Variants in ITGA9 observed in about 807,000 individuals in gnomAD.
ITGA9 encodes integrin subunit alpha 9.
A neutral mutation model predicts 127.8 loss-of-function variants in ITGA9; 56 were observed. The observed-to-expected ratio is 0.44, with a 90% CI of 0.35 to 0.55. ITGA9 has a LOEUF of 0.55. ITGA9 is among the 20% of genes least tolerant of loss of function. ITGA9 has a pLI of 0.00. For missense variants in ITGA9, 1,196 were observed against 1,347.1 expected (o/e 0.89, Z 1.76); for synonymous variants, 508 against 514.5 (o/e 0.99, Z 0.17).
chr3:37,542,288 C>G, intron 14 of ITGA9, 137 bp from the exon 15 acceptor site: 1 of 901,268 alleles, frequency 1.1e-6, no homozygotes. Context: ...CAAGTCTCTG[C>G]TTGGGGCTGC....
At chr3:37,510,661 C>G (rs1033167973) in intron 8 of ITGA9, among the ~76,000 whole-genome samples, 10 of 152,292 alleles carry the variant, frequency 6.6e-5, no homozygotes, top group African/African-American at 2.4e-4. Context: ...TGAATGTCTG[C>G]TTGGATGTCC....
At chr3:37,650,112 C>T (rs1470958477) in intron 16 of ITGA9, among the ~76,000 whole-genome samples, 4 of 152,184 alleles carry the variant, frequency 2.6e-5, no homozygotes, top group African/African-American at 9.7e-5. Context: ...TGAGCCTCTG[C>T]ATGGACAGCT....
chr3:37,490,896 G>A (rs1579060865), intron 4 of ITGA9, among the ~76,000 whole-genome samples: 1 of 150,834 alleles, frequency 6.6e-6, no homozygotes, highest in African/African-American at 2.4e-5. Context: ...TCCACAACCT[G>A]GTTCCAGCTC....
chr3:37,803,105 T>C (rs916414744), intron 26 of ITGA9, among the ~76,000 whole-genome samples: 2 of 152,188 alleles, frequency 1.3e-5, no homozygotes, highest in Non-Finnish European at 2.9e-5. Flanking sequence ...AAGTGACACA[T>C]TGAGCTGAAC....
intron 15 of ITGA9, among the ~76,000 whole-genome samples, chr3:37,577,876 C>G (rs957288845): frequency 6.6e-6 from 1 of 152,168 alleles, no homozygotes; most frequent in South Asian, 2.1e-4. Context: ...CTTTATGATT[C>G]GTGTGCTGGT....
intron 16 of ITGA9, among the ~76,000 whole-genome samples, chr3:37,644,237 A>T (rs2077210402): frequency 6.6e-6 from 1 of 152,208 alleles, no homozygotes; most frequent in South Asian, 2.1e-4. Flanking sequence ...CCAAGCAGTC[A>T]GCCCTGCTCA....
chr3:37,564,623 G>A (rs1317278121), intron 15 of ITGA9, among the ~76,000 whole-genome samples: 2 of 152,222 alleles, frequency 1.3e-5, no homozygotes, highest in Non-Finnish European at 2.9e-5. Flanking sequence ...AGAGGAAGCA[G>A]CCACTGCATA....
intron 18 of ITGA9, among the ~76,000 whole-genome samples, chr3:37,709,071 A>G (rs1398768341): frequency 6.6e-6 from 1 of 152,152 alleles, no homozygotes; most frequent in Non-Finnish European, 1.5e-5. Context: ...TGCTGCCTCA[A>G]TTACAGAACA....
intron 15 of ITGA9, among the ~76,000 whole-genome samples, chr3:37,596,865 A>G (rs1372617775): frequency 6.6e-6 from 1 of 152,236 alleles, no homozygotes; most frequent in African/African-American, 2.4e-5. Context: ...GTGCAATGCC[A>G]CAAAGCCACA....
intron 17 of ITGA9, among the ~76,000 whole-genome samples, chr3:37,655,360 T>A (rs1029906113): frequency 6.6e-6 from 1 of 152,132 alleles, no homozygotes; most frequent in Non-Finnish European, 1.5e-5. Context: ...GCACCTGTTG[T>A]TTTCTTGACT....
intron 18 of ITGA9, among the ~76,000 whole-genome samples, chr3:37,694,187 G>A (rs1700860766): frequency 6.6e-6 from 1 of 152,192 alleles, no homozygotes; most frequent in African/African-American, 2.4e-5. Context: ...ATCTTGCTTT[G>A]TTGGTCTTCC....
At chr3:37,482,279 G>A (rs1298678582) in intron 4 of ITGA9, among the ~76,000 whole-genome samples, 1 of 152,230 alleles carries the variant, frequency 6.6e-6, no homozygotes. Context: ...GGTTTTAAGA[G>A]CTCCTCGCCA....
intron 11 of ITGA9, among the ~76,000 whole-genome samples, chr3:37,520,927 C>T (rs1699038016): frequency 6.6e-6 from 1 of 152,222 alleles, no homozygotes; most frequent in African/African-American, 2.4e-5. Flanking sequence ...CCCCAGCTTC[C>T]CCTCCTCCGG....
intron 15 of ITGA9, among the ~76,000 whole-genome samples, chr3:37,587,740 C>T (rs775271284): frequency 6.6e-6 from 1 of 152,174 alleles, no homozygotes; most frequent in Non-Finnish European, 1.5e-5. Context: ...ATCTTCAAAG[C>T]AGTTTTGTGA....
At chr3:37,507,765 T>C (rs930533589) in intron 7 of ITGA9, among the ~76,000 whole-genome samples, 14 of 152,176 alleles carry the variant, frequency 9.2e-5, no homozygotes, top group Non-Finnish European at 4.4e-5. Context: ...TTCAGGATTT[T>C]GCTGGATATT....
intron 17 of ITGA9, among the ~76,000 whole-genome samples, chr3:37,673,362 C>G (rs1700655151): frequency 6.6e-6 from 1 of 152,288 alleles, no homozygotes; most frequent in South Asian, 2.1e-4. Flanking sequence ...AAAAACATTT[C>G]CCAGGCTCCC....
rs147575138 is a variant in ITGA9 at position 37,485,046 on chromosome 3, G to C, written c.544+3439G>C. On this transcript the variant is annotated intron_variant, in intron 4 of 27. Coordinates refer to ENST00000264741, the MANE Select transcript of ITGA9 (RefSeq NM_002207.3). ...AGATAGACAAAACCCAAGTGACACA[G>C]TTCCAGCTACCAAGAAGCTCCCCAT... Among the ~76,000 whole-genome samples the C allele has an allele frequency of 7.9e-4, 121 of 152,268 alleles. 2 individuals are homozygous for C. The East Asian group carries it at 0.022, about 28-fold the overall frequency.
chr3:37,752,910 C>T lies in ITGA9; in HGVS notation c.2541+2341C>T, dbSNP rs146428573. 6.8e-3 allele frequency among the ~76,000 whole-genome samples: 1,032 copies of T among 152,310 alleles called. 4 individuals are homozygous for T. Among genetic ancestry groups the T allele is most frequent in the Admixed American group, 0.017 (254 of 15,308 alleles). On this transcript the variant is annotated intron_variant, in intron 23 of 27. Transcript: ENST00000264741. Reference sequence around the variant, plus strand: ...CCACTCCAAACTCCCAGCCTTGGCTCGTGATCTTCTTTCCTTGTAGCTAAT... The same window carrying T: ...CCACTCCAAACTCCCAGCCTTGGCTTGTGATCTTCTTTCCTTGTAGCTAAT...
At chr3:37,534,527 C>T (rs186091369) in intron 14 of ITGA9, among the ~76,000 whole-genome samples, 1 of 152,372 alleles carries the variant, frequency 6.6e-6, no homozygotes, top group African/African-American at 2.4e-5. Flanking sequence ...GAAATATTTA[C>T]GTGAGCTAGT....
Sources: gnomAD v4.1 joint callset for allele counts (sites outside exome capture counted in the v4.1 genomes callset) on GRCh38, gnomAD v4.1.1 for gene constraint, MANE v1.5 for transcripts, NCBI Gene and HGNC (gene_info 2026-07-23, HGNC 2026-07-21) for gene names.